The following TRRAP variants were observed in gnomAD, a reference collection of about 807,000 sequenced individuals.
The protein encoded by TRRAP is transformation/transcription domain-associated protein.
TRRAP carries 41 observed loss-of-function variants against 438.8 expected under a neutral mutation model. That is an observed-to-expected ratio of 0.09 (90% confidence interval 0.07 to 0.12). TRRAP has a LOEUF of 0.12. Ranked by LOEUF, TRRAP falls within the 10% of genes least tolerant of loss-of-function variation. The pLI, the probability that TRRAP is intolerant of heterozygous loss-of-function variation, is 1.00. For synonymous variants in TRRAP, 1,994 were observed against 1,962.9 expected, an observed-to-expected ratio of 1.02 and a Z score of -0.42; for missense variants, 3,122 against 5,055.1, an observed-to-expected ratio of 0.62 and a Z score of 11.60.
In TRRAP at chr7:98,881,084, TC is replaced by T. The variant is rs1795406409; in HGVS notation, c.-61-5del. On this transcript the variant is annotated splice_polypyrimidine_tract_variant and splice_region_variant and intron_variant, in intron 1 of 72. Coordinates refer to ENST00000456197, the MANE Select transcript of TRRAP (RefSeq NM_001375524.1). ...AAATTGACTAACTCTATGCTTCTTTTCATAGGCTGGTTGAACTCATGGACCT... is the reference window on the plus strand; with the variant it reads ...AAATTGACTAACTCTATGCTTCTTTTATAGGCTGGTTGAACTCATGGACCT... The T allele has an allele frequency of 1.4e-6, 2 of 1,386,814 alleles. No homozygotes were observed. The highest frequency in any genetic ancestry group is 2.9e-5 in the African/African-American group (2 of 68,784). 85.9% of individuals were successfully genotyped at this position (1,386,814 alleles called of 1,614,324 possible).
chr7:99,001,259 C>A (rs1192994131), intron 67 of TRRAP, among the ~76,000 whole-genome samples: 2 of 152,148 alleles, frequency 1.3e-5, no homozygotes, highest in Admixed American at 1.3e-4. Flanking sequence ...GAACCCACAG[C>A]TGAGGGAGGT....
intron 7 of TRRAP, among the ~76,000 whole-genome samples, chr7:98,896,143 A>G (rs1156385759): frequency 2.0e-5 from 3 of 152,126 alleles, no homozygotes; most frequent in Non-Finnish European, 4.4e-5. Context: ...TTTGGTTTTC[A>G]CTTTGTGCAT....
chr7:98,975,931 C>T (rs1792634366), intron 53 of TRRAP: 2 of 547,428 alleles, frequency 3.7e-6, no homozygotes, highest in African/African-American at 1.9e-5. Context: ...CTGAGCCTCT[C>T]GGGATGCCTG....
At chr7:98,969,786 G>A (rs1313822561) in intron 51 of TRRAP, among the ~76,000 whole-genome samples, 2 of 152,190 alleles carry the variant, frequency 1.3e-5, no homozygotes, top group Non-Finnish European at 2.9e-5. Flanking sequence ...GGAAAGAGAT[G>A]GGTTCAGGAG....
At position 99,012,480 on chromosome 7, in the gene TRRAP, T is replaced by G; in HGVS notation, c.*125T>G. 8.3e-7 allele frequency: 1 copy of G among 1,202,784 alleles called. No individual in the cohort carries two copies. Among genetic ancestry groups the G allele is most frequent in the Non-Finnish European group, 1.1e-6 (1 of 882,330 alleles). The allele number at this position is 1,202,784 out of a possible 1,614,324, so 74.5% of individuals were successfully genotyped here. The stretch of plus-strand genomic sequence containing the variant: ...GCCCCATAGTTTCACTGGGTTGCGG[T>G]TATTTTCCTGGTAGTTTGCGTGTAA... On this transcript the variant is annotated 3_prime_UTR_variant, in exon 73 of 73. Transcript: ENST00000456197. The surrounding 1 kb of genome is among the most constrained non-coding windows in gnomAD (Gnocchi z 5.9).
chr7:98,891,536 CTTT>C (rs561135092), intron 4 of TRRAP, among the ~76,000 whole-genome samples: 7 of 116,932 alleles, frequency 6.0e-5, no homozygotes, highest in Admixed American at 9.0e-5. Flanking sequence ...GCATGTAGCT[CTTT>C]TTTTTTTTTT....
intron 63 of TRRAP, among the ~76,000 whole-genome samples, chr7:98,989,425 T>C (rs2116788941): frequency 6.6e-6 from 1 of 152,354 alleles, no homozygotes; most frequent in East Asian, 1.9e-4. Flanking sequence ...ACCCACGTGC[T>C]CACTGAAGGA....
chr7:98,931,465 G>T lies in TRRAP; in HGVS notation c.3652G>T (p.Ala1218Ser). ...GCTGGAGCAGCTTCTGATGCGGTGC[G>T]CAACGCCTTTAAAAGACGAGGAGAG... is the stretch of plus-strand genomic sequence containing the variant. ...TTLEQLLMRC[A>S]TPLKDEERAE... The change falls in exon 26 of 73, where the codon GCA becomes TCA. Residue 1218 changes from alanine to serine, a missense_variant. By Grantham distance (99) the Ala-to-Ser change is moderately conservative (BLOSUM62 1). Transcript: ENST00000456197. The T allele has an allele frequency of 6.2e-7, 1 of 1,614,100 alleles. No individual in the cohort carries two copies.
chr7:98,940,386 C>T (rs1554415309), intron 30 of TRRAP, among the ~76,000 whole-genome samples: 1 of 151,746 alleles, frequency 6.6e-6, no homozygotes, highest in African/African-American at 2.4e-5. Flanking sequence ...GACGGGGCTT[C>T]GTCATGTTGG....
At chr7:98,984,915 CT>C (rs1180126404) in intron 61 of TRRAP, 28 bp from the exon 62 acceptor site, 5 of 1,511,944 alleles carry the variant, frequency 3.3e-6, no homozygotes, top group South Asian at 1.2e-5. Flanking sequence ...ATTTCAAGAA[CT>C]TTTTTTCTGC....
rs187040179 is a variant in TRRAP, at chr7:98,948,713, G to A, written c.4788+28G>A. 1 of 1,613,938 alleles carries A rather than the reference G, an allele frequency of 6.2e-7. No individual in the cohort carries two copies. Among genetic ancestry groups the A allele is most frequent in the Admixed American group, 1.7e-5 (1 of 60,022 alleles). ...AAGAGCTGTGAGCAGCTGGAGTCAGGGGTCCCTTCAAATGCTTGTGAGCTG... is the reference window on the plus strand; with the variant it reads ...AAGAGCTGTGAGCAGCTGGAGTCAGAGGTCCCTTCAAATGCTTGTGAGCTG... On this transcript the variant is annotated intron_variant, in intron 35 of 72. Transcript: ENST00000456197. This position sits in a 1 kb window ranked among gnomAD's most constrained non-coding sequence, Gnocchi z 4.9.
chr7:98,991,985 C>T (rs955694235), intron 64 of TRRAP, 152 bp from the exon 65 acceptor site: 14 of 768,300 alleles, frequency 1.8e-5, no homozygotes, highest in East Asian at 1.5e-4. Context: ...TGGCCTTGTG[C>T]GTCAGATCAG....
intron 3 of TRRAP, among the ~76,000 whole-genome samples, chr7:98,886,937 A>G (rs782460580): frequency 1.3e-5 from 2 of 152,156 alleles, no homozygotes; most frequent in East Asian, 1.9e-4. Flanking sequence ...ACGTCTTGCT[A>G]TGGAGTATAG....
chr7:98,980,069 A>G (rs1270151294), intron 58 of TRRAP, among the ~76,000 whole-genome samples: 1 of 152,174 alleles, frequency 6.6e-6, no homozygotes, highest in Admixed American at 6.5e-5. Context: ...GCCAATGTGG[A>G]GGGTAATGTT....
intron 67 of TRRAP, among the ~76,000 whole-genome samples, chr7:99,001,967 T>C (rs1793942463): frequency 2.0e-5 from 3 of 152,188 alleles, no homozygotes; most frequent in Non-Finnish European, 2.9e-5. Flanking sequence ...GAGTTAATTA[T>C]TGATACACAG....
chr7:98,989,420 C>T (rs1440709152), intron 63 of TRRAP, among the ~76,000 whole-genome samples: 2 of 152,352 alleles, frequency 1.3e-5, no homozygotes, highest in East Asian at 1.9e-4. Context: ...GTGTCACCCA[C>T]GTGCTCACTG....
At chr7:98,879,834 T>G (rs1183047984) in intron 1 of TRRAP, among the ~76,000 whole-genome samples, 1 of 152,144 alleles carries the variant, frequency 6.6e-6, no homozygotes, top group African/African-American at 2.4e-5. Flanking sequence ...CTCTCTAGTG[T>G]CACCTGTGTC....
chr7:98,991,035 T>C (rs571593485), intron 64 of TRRAP, among the ~76,000 whole-genome samples: 88 of 152,296 alleles, frequency 5.8e-4, no homozygotes, highest in Admixed American at 1.4e-3. Context: ...ACATGCCCAA[T>C]TGTGGCTGTC....
chr7:98,889,333 A>G (rs1436549768), intron 3 of TRRAP, among the ~76,000 whole-genome samples: 5 of 152,108 alleles, frequency 3.3e-5, no homozygotes, highest in African/African-American at 1.2e-4. Flanking sequence ...TAACAACACA[A>G]CACTTCCGAG....
Sources: gnomAD v4.1 joint callset for allele counts (sites outside exome capture counted in the v4.1 genomes callset) on GRCh38, gnomAD v4.1.1 for gene constraint, Gnocchi (gnomAD v3.1) non-coding constraint, MANE v1.5 for transcripts, NCBI Gene and HGNC (gene_info 2026-07-23, HGNC 2026-07-21) for gene names.